The following BMX variants were observed in gnomAD, a reference collection of about 807,000 sequenced individuals.
The protein encoded by BMX is cytoplasmic tyrosine-protein kinase BMX.
Under a neutral mutation model 59.2 loss-of-function variants are expected in BMX, and 31 were observed. The ratio of observed to expected loss-of-function variants is 0.52; its 90% CI spans 0.39 to 0.71. BMX has a LOEUF of 0.71. BMX is among the 30% of genes least tolerant of loss of function. The pLI is 0.00. For missense variants in BMX, 474 were observed against 491.7 expected, an observed-to-expected ratio of 0.96 and a Z score of 0.34; for synonymous variants, 185 against 181.0, an observed-to-expected ratio of 1.02 and a Z score of -0.18.
In BMX at chrX:15,537,284, T is replaced by G; in HGVS notation, c.1373T>G (p.Phe458Cys). The G allele has an allele frequency of 8.3e-7, 1 of 1,210,656 alleles. No homozygotes were observed. Among genetic ancestry groups the G allele is most frequent in the Non-Finnish European group, 1.1e-6 (1 of 895,081 alleles). Residue 458 changes from phenylalanine to cysteine, a missense_variant, in exon 14 of 19, where the codon TTT becomes TGT. Coordinates refer to ENST00000348343, the MANE Select transcript of BMX (RefSeq NM_203281.3). ...GGCTCCATGTCAGAAGATGAATTCTTTCAGGAGGCCCAGACTATGATGTAA... is the reference window on the plus strand; with the variant it reads ...GGCTCCATGTCAGAAGATGAATTCTGTCAGGAGGCCCAGACTATGATGTAA... ...KEGSMSEDEFFQEAQTMMKLS... is the reference protein window; with the variant it reads ...KEGSMSEDEFCQEAQTMMKLS...
At chrX:15,518,831 T>C (rs1435991329) in intron 6 of BMX, among the ~76,000 whole-genome samples, 1 of 111,580 alleles carries the variant, frequency 9.0e-6, no homozygotes, top group Admixed American at 9.5e-5. Flanking sequence ...CTTTATCTCA[T>C]GGGAGACTTT....
chrX:15,513,706 C>T (rs1432826501), intron 4 of BMX, among the ~76,000 whole-genome samples: 1 of 111,542 alleles, frequency 9.0e-6, no homozygotes, highest in Non-Finnish European at 1.9e-5. Flanking sequence ...TTCAGCTAAC[C>T]AGATGTGGAA....
At chrX:15,535,079 ACAAAGG>A (rs753624949) in intron 12 of BMX, among the ~76,000 whole-genome samples, 1 of 112,122 alleles carries the variant, frequency 8.9e-6, no homozygotes, top group African/African-American at 3.2e-5. Flanking sequence ...AATTTCTGAG[ACAAAGG>A]CTAAGAATAC....
chrX:15,519,221 A>G (rs1027841032), intron 6 of BMX, among the ~76,000 whole-genome samples: 1 of 111,635 alleles, frequency 9.0e-6, no homozygotes, highest in Non-Finnish European at 1.9e-5. Context: ...CCGCCCATCT[A>G]TTGGATCTAT....
At chrX:15,522,035 C>T (rs977634638) in intron 6 of BMX, among the ~76,000 whole-genome samples, 6 of 111,235 alleles carry the variant, frequency 5.4e-5, no homozygotes, top group East Asian at 2.8e-4. Flanking sequence ...TGTATATATA[C>T]GTAAAATTTA....
Position 15,542,039 on chromosome X carries a change from C to T in BMX, c.1452C>T (p.Pro484=). 1.7e-6 allele frequency: 2 copies of T among 1,210,754 alleles called. No homozygotes were observed. The highest frequency in any genetic ancestry group is 5.9e-5 in the East Asian group (2 of 33,843). ...KFYGVCSKEY[P]IYIVTEYISN... is the part of the protein sequence containing the mutation. The stretch of plus-strand genomic sequence containing the variant: ...ATGGAGTGTGTTCAAAGGAATACCC[C>T]ATATACATAGTGACTGAATATATAA... The change falls in exon 15 of 19, where the codon CCC becomes CCT. Residue 484 remains proline (P), a synonymous_variant. Coordinates refer to ENST00000348343, the MANE Select transcript of BMX (RefSeq NM_203281.3).
At chrX:15,512,948 C>G (rs1476841742) in intron 4 of BMX, among the ~76,000 whole-genome samples, 5 of 111,148 alleles carry the variant, frequency 4.5e-5, no homozygotes, top group African/African-American at 1.3e-4. Flanking sequence ...TGAAGACATA[C>G]GAAATGTAAA....
chrX:15,522,169 T>C (rs772637350), intron 6 of BMX, among the ~76,000 whole-genome samples, 177 bp from the exon 7 acceptor site: 76 of 110,979 alleles, frequency 6.8e-4, no homozygotes, highest in Non-Finnish European at 1.0e-3. Context: ...CTCCATATCC[T>C]TGCTCATACC....
rs2147098952 is a variant in BMX at position 15,500,931 on chromosome X, A to AG, written c.-18dup. 1.3e-6 allele frequency: 1 copy of AG among 752,835 alleles called. No individual in the cohort carries two copies. Among genetic ancestry groups the AG allele is most frequent in the Non-Finnish European group, 1.6e-6 (1 of 639,223 alleles). 62.0% of individuals were successfully genotyped at this position (752,835 alleles called of 1,213,427 possible). A position where few individuals can be genotyped will look rare whatever the true frequency, so the allele number is the denominator to read the frequency against. ...GGCGGACCCAGGCAAGCACGGAACA[A>AG]GCTGAGACGGTGCGTTTAAGCGGCA... On this transcript the variant is annotated 5_prime_UTR_variant, in exon 1 of 19. Coordinates refer to ENST00000348343, the MANE Select transcript of BMX (RefSeq NM_203281.3).
intron 1 of BMX, among the ~76,000 whole-genome samples, chrX:15,506,455 T>C (rs781610864): frequency 4.5e-4 from 51 of 112,188 alleles, no homozygotes; most frequent in Non-Finnish European, 7.5e-4. Context: ...TTCACAGTTT[T>C]CTCCTTCTGC....
chrX:15,532,124 A>G (rs1179638533), intron 11 of BMX, among the ~76,000 whole-genome samples: 2 of 111,509 alleles, frequency 1.8e-5, no homozygotes, highest in East Asian at 5.6e-4. Context: ...TGCCTGACAC[A>G]TAGTAAGCAC....
chrX:15,512,237 T>C (rs1466575211), intron 4 of BMX, among the ~76,000 whole-genome samples: 1 of 112,050 alleles, frequency 8.9e-6, no homozygotes, highest in Non-Finnish European at 1.9e-5. Context: ...TTTGGCACTA[T>C]AGTATTTCCC....
chrX:15,555,429 G>A (rs1215561103), intron 18 of BMX, among the ~76,000 whole-genome samples: 4 of 109,611 alleles, frequency 3.6e-5, no homozygotes, highest in Non-Finnish European at 7.6e-5. Flanking sequence ...GGATGGTCTC[G>A]AACTCCTGGC....
intron 14 of BMX, among the ~76,000 whole-genome samples, chrX:15,539,806 C>T (rs939050949): frequency 1.2e-4 from 13 of 111,443 alleles, no homozygotes; most frequent in Admixed American, 1.9e-4. Context: ...GACATTTATG[C>T]GGACAACAAA....
chrX:15,545,413 T>C (rs1214840958), intron 16 of BMX, among the ~76,000 whole-genome samples: 1 of 112,624 alleles, frequency 8.9e-6, no homozygotes, highest in Non-Finnish European at 1.9e-5. Flanking sequence ...CTCCCCTGAT[T>C]CTTCCCTTGG....
chrX:15,522,488 G>A lies in BMX; in HGVS notation c.653G>A (p.Ser218Asn). ...AGTACCAGTCTAGCGCAATATGACA[G>A]CAACTCAAAGAAAATCTATGGCTCC... ...SSSTSLAQYD[S>N]NSKKIYGSQP... Residue 218 changes from serine to asparagine, a missense_variant, in exon 7 of 19, where the codon AGC (serine) becomes AAC (asparagine). By Grantham distance (46) the Ser-to-Asn change is conservative. Transcript: ENST00000348343. 2 of 1,211,995 alleles carry A rather than the reference G, an allele frequency of 1.7e-6. No individual in the cohort carries two copies. The highest frequency in any genetic ancestry group is 2.2e-6 in the Non-Finnish European group (2 of 895,489).
At chrX:15,526,753 T>C (rs1924752539) in intron 9 of BMX, among the ~76,000 whole-genome samples, 1 of 109,307 alleles carries the variant, frequency 9.1e-6, no homozygotes, top group African/African-American at 3.3e-5. Flanking sequence ...GCCCAGCTAA[T>C]TTTTGTATTT....
rs1329631279 is a variant in BMX at position 15,530,203 on chromosome X, C to T, written c.939+176C>T. The stretch of plus-strand genomic sequence containing the variant: ...TCATGTCTAGCCACTACTTCTGTGT[C>T]CATTATGTATTGCTGCATAATAAAC... On this transcript the variant is annotated intron_variant, in intron 10 of 18. Transcript: ENST00000348343. 5.4e-5 allele frequency among the ~76,000 whole-genome samples: 6 copies of T among 112,059 alleles called. No individual in the cohort carries two copies. In the East Asian group the frequency reaches 1.7e-3, roughly 31 times the overall value.
chrX:15,502,393 C>T (rs1480838779), intron 1 of BMX, among the ~76,000 whole-genome samples: 1 of 111,882 alleles, frequency 8.9e-6, no homozygotes, highest in Non-Finnish European at 1.9e-5. Flanking sequence ...AAAGAGGTTA[C>T]TGAAAAGAAG....
Sources: allele counts gnomAD v4.1 joint callset (sites outside exome capture counted in the v4.1 genomes callset), GRCh38; gene constraint gnomAD v4.1.1; transcripts MANE v1.5; gene names NCBI Gene and HGNC (gene_info 2026-07-23, HGNC 2026-07-21).